NELL1: variants seen among roughly 807,000 people sequenced by gnomAD.
NELL1 encodes the protein neural EGFL like 1.
Under a neutral mutation model 107.4 loss-of-function variants are expected in NELL1, and 76 were observed. That is an observed-to-expected ratio of 0.71 (90% CI 0.59 to 0.86). The LOEUF (loss-of-function observed/expected upper bound fraction) is 0.86. Ranked by LOEUF, NELL1 falls within the 40% of genes least tolerant of loss-of-function variation. The pLI is 0.00. For missense variants in NELL1, 1,024 were observed against 1,005.5 expected (o/e 1.02, Z -0.25); for synonymous variants, 353 against 341.2 (o/e 1.03, Z -0.38).
intron 12 of NELL1, among the ~76,000 whole-genome samples, chr11:21,049,152 AC>A (rs949828271): frequency 6.6e-6 from 1 of 152,020 alleles, no homozygotes; most frequent in Non-Finnish European, 1.5e-5. Context: ...CATTGGATGT[AC>A]CCCCTAGGAA....
At chr11:20,742,225 G>A (rs1590251241) in intron 2 of NELL1, among the ~76,000 whole-genome samples, 1 of 152,342 alleles carries the variant, frequency 6.6e-6, no homozygotes, top group African/African-American at 2.4e-5. Flanking sequence ...ATGAAGTGCT[G>A]TGGCGGACAC....
intron 15 of NELL1, among the ~76,000 whole-genome samples, chr11:21,489,533 A>G (rs1408868986): frequency 6.6e-6 from 1 of 152,062 alleles, no homozygotes; most frequent in Non-Finnish European, 1.5e-5. Context: ...AATTAGATGT[A>G]AAAATCTTCC....
intron 19 of NELL1, among the ~76,000 whole-genome samples, chr11:21,574,254 A>ATTT (rs796871001): frequency 0.17 from 5,434 of 32,242 alleles, 326 homozygotes; most frequent in African/African-American, 0.22. Context: ...ATAAATGTAG[A>ATTT]TTTTTTTTTT....
intron 12 of NELL1, among the ~76,000 whole-genome samples, chr11:20,977,350 C>T (rs957477850): frequency 3.3e-5 from 5 of 151,436 alleles, no homozygotes; most frequent in East Asian, 1.9e-4. Context: ...CTGCAAGCTC[C>T]GCCTCTCGGG....
intron 15 of NELL1, among the ~76,000 whole-genome samples, chr11:21,372,315 TC>T (rs1053599121): frequency 6.6e-6 from 1 of 151,952 alleles, no homozygotes; most frequent in Non-Finnish European, 1.5e-5. Flanking sequence ...TCTTACTGCT[TC>T]CTGTAGAACT....
intron 16 of NELL1, among the ~76,000 whole-genome samples, chr11:21,539,487 TTG>T (rs1856233983): frequency 6.6e-6 from 1 of 151,794 alleles, no homozygotes; most frequent in Admixed American, 6.6e-5. Flanking sequence ...TGGGATTTTA[TTG>T]AGTGGTGGAG....
At chr11:21,296,815 TTAAA>T (rs1849385493) in intron 14 of NELL1, among the ~76,000 whole-genome samples, 1 of 151,556 alleles carries the variant, frequency 6.6e-6, no homozygotes, top group Non-Finnish European at 1.5e-5. Context: ...TGGGAAGAAA[TTAAA>T]TAAAATTATT....
At chr11:21,242,074 C>T (rs1858376863) in intron 14 of NELL1, among the ~76,000 whole-genome samples, 1 of 151,918 alleles carries the variant, frequency 6.6e-6, no homozygotes, top group Non-Finnish European at 1.5e-5. Context: ...TTTTCTCACT[C>T]TCAGCTCCTA....
chr11:21,514,524 T>C (rs10833552), intron 15 of NELL1, among the ~76,000 whole-genome samples: 41,689 of 152,210 alleles, frequency 0.27, 5,741 homozygotes, highest in East Asian at 0.37. Flanking sequence ...CTGCTCCTCA[T>C]GTTCTGCCAG....
rs185281985 is a variant in NELL1, at chr11:21,524,104, T to C, written c.1646-10270T>C. Reference sequence around the variant, plus strand: ...TCAAAGTCCTATGTATTCCCCCAAGTGTACAAGAGGCTGTATAGTATAATG... The same window carrying C: ...TCAAAGTCCTATGTATTCCCCCAAGCGTACAAGAGGCTGTATAGTATAATG... On this transcript the variant is annotated intron_variant, in intron 15 of 19. Transcript: ENST00000357134. 3.6e-4 allele frequency among the ~76,000 whole-genome samples: 55 copies of C among 152,270 alleles called. 1 individual carries two copies. The East Asian group carries it at 7.7e-3, about 21-fold the overall frequency.
intron 14 of NELL1, among the ~76,000 whole-genome samples, chr11:21,299,597 G>T (rs1356789219): frequency 1.4e-5 from 2 of 147,566 alleles, no homozygotes; most frequent in Admixed American, 6.8e-5. Flanking sequence ...TTGGTAGATT[G>T]GTCACCTGTA....
chr11:21,169,649 A>C, intron 13 of NELL1: 1 of 447,012 alleles, frequency 2.2e-6, no homozygotes, highest in Non-Finnish European at 4.0e-6. Flanking sequence ...TAGTATGTTT[A>C]GGCAAACCCC....
intron 14 of NELL1, among the ~76,000 whole-genome samples, chr11:21,280,277 C>T (rs921483962): frequency 1.2e-4 from 19 of 152,232 alleles, no homozygotes; most frequent in African/African-American, 3.9e-4. Flanking sequence ...CAGAGCAAGA[C>T]GGCCAAATAG....
At chr11:21,083,734 T>C (rs1854321940) in intron 12 of NELL1, among the ~76,000 whole-genome samples, 1 of 152,204 alleles carries the variant, frequency 6.6e-6, no homozygotes, top group African/African-American at 2.4e-5. Context: ...TCTGAGAGTA[T>C]TGAAAGTGTT....
intron 14 of NELL1, among the ~76,000 whole-genome samples, chr11:21,316,646 A>G (rs772871983): frequency 3.7e-4 from 57 of 152,206 alleles, no homozygotes; most frequent in Admixed American, 1.2e-3. Context: ...GGGACTCAAC[A>G]GTATCCCAGA....
chr11:20,863,864 A>G (rs7937414), intron 4 of NELL1, among the ~76,000 whole-genome samples: 102,685 of 152,150 alleles, frequency 0.67, 35,406 homozygotes, highest in Non-Finnish European at 0.76. Context: ...CCGGCACCTC[A>G]GGAGGCGGAA....
intron 9 of NELL1, among the ~76,000 whole-genome samples, chr11:20,935,468 T>A (rs1200083008): frequency 1.3e-5 from 2 of 151,506 alleles, no homozygotes; most frequent in African/African-American, 4.9e-5. Context: ...TATGTGGAGG[T>A]GTGGATGTTT....
intron 12 of NELL1, among the ~76,000 whole-genome samples, chr11:21,097,607 G>A (rs1034517273): frequency 5.9e-5 from 9 of 152,216 alleles, no homozygotes; most frequent in East Asian, 3.9e-4. Context: ...ACAGGTAGCC[G>A]AGGGAACAGA....
chr11:20,679,936 C>T (rs908779645), intron 2 of NELL1, among the ~76,000 whole-genome samples: 2 of 150,862 alleles, frequency 1.3e-5, no homozygotes, highest in Middle Eastern at 3.4e-3. Flanking sequence ...AGTGTAGGTC[C>T]CCTGGGCTGG....
Sources: allele counts gnomAD v4.1 joint callset (sites outside exome capture counted in the v4.1 genomes callset), GRCh38; gene constraint gnomAD v4.1.1; transcripts MANE v1.5; gene names NCBI Gene and HGNC (gene_info 2026-07-23, HGNC 2026-07-21).